The following PAX8 variants were observed in gnomAD, a reference collection of about 807,000 sequenced individuals.
PAX8 encodes the protein paired box protein Pax-8.
A neutral mutation model predicts 52.4 loss-of-function variants in PAX8; 15 were observed. The ratio of observed to expected loss-of-function variants is 0.29; its 90% CI spans 0.19 to 0.44. The LOEUF is 0.44. Ranked by LOEUF, PAX8 falls within the 20% of genes least tolerant of loss-of-function variation. The probability of loss-of-function intolerance (pLI) is 1.00; values close to 1 mark genes in which losing one functional copy is unlikely to be tolerated. For synonymous variants in PAX8, 284 were observed against 249.7 expected, an observed-to-expected ratio of 1.14 and a Z score of -1.29; for missense variants, 554 against 602.5, an observed-to-expected ratio of 0.92 and a Z score of 0.84.
intron 9 of PAX8, among the ~76,000 whole-genome samples, chr2:113,229,967 T>C (rs936894521): frequency 2.4e-4 from 37 of 152,162 alleles, no homozygotes; most frequent in African/African-American, 8.4e-4. Flanking sequence ...GAACTCCAGA[T>C]CCAGGCTGGA....
intron 3 of PAX8, among the ~76,000 whole-genome samples, chr2:113,245,782 A>G (rs1434212205): frequency 6.6e-6 from 1 of 152,200 alleles, no homozygotes; most frequent in East Asian, 1.9e-4. Flanking sequence ...CTTCTGGGAC[A>G]CCACAACCCA....
In PAX8 at chr2:113,235,466, C is replaced by T. The variant is rs1301648607; in HGVS notation, c.1015G>A (p.Val339Ile). The change falls in exon 9 of 12, where the codon GTC (valine) becomes ATC (isoleucine). Residue 339 changes from valine (V) to isoleucine (I), a missense_variant. Transcript: ENST00000429538. ...FLDLQQVGSG[V>I]PPFNAFPHAA... is the part of the protein sequence containing the mutation. ...TGGGGAAAGGCATTGAAGGGCGGGACCCCGGAGCCGACTTGCTGCAGATCC... is the reference window on the plus strand; with the variant it reads ...TGGGGAAAGGCATTGAAGGGCGGGATCCCGGAGCCGACTTGCTGCAGATCC... 2 of 1,612,530 alleles carry T rather than the reference C, an allele frequency of 1.2e-6. No individual in the cohort carries two copies. The highest frequency in any genetic ancestry group is 1.7e-5 in the Admixed American group (1 of 59,796).
rs889406213 is a variant in PAX8, at chr2:113,278,815, C to T, written c.-76+16G>A. The T allele has an allele frequency of 3.8e-6, 4 of 1,061,408 alleles. No individual in the cohort carries two copies. The highest frequency in any genetic ancestry group is 5.0e-5 in the East Asian group (1 of 20,160). The allele number at this position is 1,061,408 out of a possible 1,614,324, so 65.7% of individuals were successfully genotyped here. On this transcript the variant is annotated intron_variant, in intron 1 of 11. Transcript: ENST00000429538. Reference sequence around the variant, plus strand: ...TCACTGCTAGCCAGCTTCCAGCTAACCCCTGGGTGACATACCTGGCCGGCC... The same window carrying T: ...TCACTGCTAGCCAGCTTCCAGCTAATCCCTGGGTGACATACCTGGCCGGCC...
chr2:113,231,759 G>A (rs774718803), intron 9 of PAX8, among the ~76,000 whole-genome samples: 40 of 152,066 alleles, frequency 2.6e-4, no homozygotes, highest in Non-Finnish European at 4.3e-4. Context: ...ATGGAGTTTC[G>A]CTCTTGTTGC....
At chr2:113,256,652 G>GTA (rs1299724644) in intron 2 of PAX8, among the ~76,000 whole-genome samples, 15 of 95,416 alleles carry the variant, frequency 1.6e-4, no homozygotes, top group South Asian at 5.2e-4. Context: ...GTGTGTGTGT[G>GTA]TGTATATATA....
rs1033495578 is a variant in PAX8, at chr2:113,216,677, T to G, written c.*1856A>C. 4 of 225,942 alleles carry G rather than the reference T, an allele frequency of 1.8e-5. No individual in the cohort carries two copies. Among genetic ancestry groups the G allele is most frequent in the African/African-American group, 6.7e-5 (3 of 44,910 alleles). The allele number at this position is 225,942 out of a possible 1,614,324, so 14.0% of individuals were successfully genotyped here. A position where few individuals can be genotyped will look rare whatever the true frequency, so the allele number is the denominator to read the frequency against. On this transcript the variant is annotated 3_prime_UTR_variant, in exon 12 of 12. Coordinates refer to ENST00000429538, the MANE Select transcript of PAX8 (RefSeq NM_003466.4). ...GGCCACACTACACTCTACCTCTCCA[T>G]TCAGTCAGGTCAAATCTTTAGCAAA...
chr2:113,278,022 T>A (rs920752008), intron 2 of PAX8, among the ~76,000 whole-genome samples: 2 of 152,104 alleles, frequency 1.3e-5, no homozygotes, highest in Non-Finnish European at 2.9e-5. Flanking sequence ...CCAGCACCGG[T>A]GCAGCCCAGG....
chr2:113,220,360 G>T, intron 10 of PAX8, 182 bp from the exon 11 acceptor site: 1 of 593,572 alleles, frequency 1.7e-6, no homozygotes, highest in African/African-American at 1.8e-5. Context: ...GGAACCCATC[G>T]ATCTGGAAAA....
At chr2:113,251,872 T>C (rs900164776) in intron 2 of PAX8, among the ~76,000 whole-genome samples, 1 of 152,238 alleles carries the variant, frequency 6.6e-6, no homozygotes, top group African/African-American at 2.4e-5. Context: ...CATTGAACAG[T>C]AACTTTCTCT....
At chr2:113,225,922 C>G (rs773030500) in intron 10 of PAX8, 1 of 968,224 alleles carries the variant, frequency 1.0e-6, no homozygotes, top group South Asian at 4.8e-5. Context: ...CTTGACCAAT[C>G]TCATTTCACG....
chr2:113,255,128 G>A (rs1013658121), intron 2 of PAX8, among the ~76,000 whole-genome samples: 3 of 144,702 alleles, frequency 2.1e-5, no homozygotes, highest in Admixed American at 6.8e-5. Context: ...GAGGGAAGGA[G>A]GAAGGAAGGA....
chr2:113,225,963 G>A (rs1689543557), intron 10 of PAX8: 2 of 983,982 alleles, frequency 2.0e-6, no homozygotes, highest in Non-Finnish European at 2.4e-6. Flanking sequence ...GAGGGAGGGA[G>A]TCCGGGGCCA....
At chr2:113,238,757 T>C (rs922742377) in intron 7 of PAX8, 1 of 152,196 alleles carries the variant, frequency 6.6e-6, no homozygotes, top group Admixed American at 6.5e-5. Flanking sequence ...TCATAGACTC[T>C]ACTTTATGAG....
At chr2:113,275,055 T>G (rs1693704829) in intron 2 of PAX8, 1 of 152,244 alleles carries the variant, frequency 6.6e-6, no homozygotes, top group Non-Finnish European at 1.5e-5. Context: ...CTTCACTTCC[T>G]TTGTCTTCTT....
chr2:113,276,525 A>G (rs570517657), intron 2 of PAX8: 1 of 152,328 alleles, frequency 6.6e-6, no homozygotes, highest in East Asian at 1.9e-4. Context: ...AGCTAGTGGG[A>G]AAGCGCGCAT....
At chr2:113,276,958 G>A (rs577298402) in intron 2 of PAX8, among the ~76,000 whole-genome samples, 3 of 152,222 alleles carry the variant, frequency 2.0e-5, no homozygotes, top group African/African-American at 4.8e-5. Flanking sequence ...ATCGTACCAC[G>A]GTTTGGCTAA....
intron 2 of PAX8, chr2:113,274,434 A>C (rs1038499479): frequency 6.6e-6 from 1 of 152,232 alleles, no homozygotes; most frequent in Non-Finnish European, 1.5e-5. Flanking sequence ...CTTATATTGA[A>C]TGGCAAAGGT....
intron 2 of PAX8, among the ~76,000 whole-genome samples, chr2:113,247,156 T>C (rs1008449325): frequency 6.6e-6 from 1 of 152,240 alleles, no homozygotes; most frequent in Non-Finnish European, 1.5e-5. Context: ...AGGAGCACCT[T>C]GGGCTTGGGG....
At chr2:113,226,971 A>G in intron 10 of PAX8, 184 bp downstream of exon 10, 1 of 1,511,882 alleles carries the variant, frequency 6.6e-7, no homozygotes, top group Non-Finnish European at 8.8e-7. Context: ...TTAAATAGGG[A>G]GTCAGGACTG....
Sources: gnomAD v4.1 joint callset for allele counts (sites outside exome capture counted in the v4.1 genomes callset) on GRCh38, gnomAD v4.1.1 for gene constraint, MANE v1.5 for transcripts, NCBI Gene and HGNC (gene_info 2026-07-23, HGNC 2026-07-21) for gene names.